Variants in LRMDA observed in about 807,000 individuals in gnomAD.
The protein encoded by LRMDA is leucine-rich melanocyte differentiation-associated protein.
A neutral mutation model predicts 29.8 loss-of-function variants in LRMDA; 18 were observed. The observed-to-expected ratio is 0.60, with a 90% CI of 0.42 to 0.90. LRMDA has a LOEUF of 0.90. Ranked by LOEUF, LRMDA falls within the 40% of genes least tolerant of loss-of-function variation. LRMDA has a pLI of 0.00. For missense variants in LRMDA, 273 were observed against 273.9 expected (o/e 1.00, Z 0.02); for synonymous variants, 125 against 109.4 (o/e 1.14, Z -0.89).
At chr10:76,362,719 G>A (rs899801440) in intron 6 of LRMDA, among the ~76,000 whole-genome samples, 1 of 152,032 alleles carries the variant, frequency 6.6e-6, no homozygotes, top group Non-Finnish European at 1.5e-5. Context: ...GCCTTTTAGA[G>A]CAATCTTTCT....
chr10:75,668,977 G>A lies in LRMDA; in HGVS notation c.131+230483G>A, dbSNP rs147689413. On this transcript the variant is annotated intron_variant, in intron 2 of 6. Transcript: ENST00000611255. The stretch of plus-strand genomic sequence containing the variant: ...TAGTGGGGACTAAGCTGTGGCTCAA[G>A]TTTGTAAATGTCTCTCAAGGCAAAT... 6.1e-3 allele frequency among the ~76,000 whole-genome samples: 936 copies of A among 152,292 alleles called. 2 individuals are homozygous for A. Among genetic ancestry groups the A allele is most frequent in the Non-Finnish European group, 0.01 (688 of 68,018 alleles).
chr10:75,796,153 T>G (rs1384187610), intron 2 of LRMDA, among the ~76,000 whole-genome samples: 1 of 150,032 alleles, frequency 6.7e-6, no homozygotes, highest in African/African-American at 2.4e-5. Flanking sequence ...AAAAAGTTAC[T>G]TCTTCCCAAT....
intron 6 of LRMDA, among the ~76,000 whole-genome samples, chr10:76,350,813 T>G (rs904498710): frequency 1.3e-5 from 2 of 152,170 alleles, no homozygotes; most frequent in African/African-American, 4.8e-5. Flanking sequence ...AATATCACTT[T>G]GTAGTGTCAT....
chr10:75,757,593 T>C (rs1178296630), intron 2 of LRMDA, among the ~76,000 whole-genome samples: 2 of 152,102 alleles, frequency 1.3e-5, no homozygotes, highest in Admixed American at 6.5e-5. Context: ...CTTGACCACT[T>C]TTCCGTCTTT....
At chr10:75,666,720 T>A (rs1343205546) in intron 2 of LRMDA, among the ~76,000 whole-genome samples, 1 of 152,108 alleles carries the variant, frequency 6.6e-6, no homozygotes. Flanking sequence ...GATTAATTAG[T>A]CCAACATGCT....
At chr10:75,920,169 T>G (rs893869105) in intron 2 of LRMDA, among the ~76,000 whole-genome samples, 1 of 152,098 alleles carries the variant, frequency 6.6e-6, no homozygotes, top group Non-Finnish European at 1.5e-5. Flanking sequence ...TCCCTTTCAG[T>G]GCTGGCTCCC....
At chr10:76,503,659 G>A (rs1384934026) in intron 6 of LRMDA, among the ~76,000 whole-genome samples, 1 of 151,306 alleles carries the variant, frequency 6.6e-6, no homozygotes, top group East Asian at 1.9e-4. Flanking sequence ...TATTTCTGTG[G>A]TATCAATTGT....
intron 2 of LRMDA, among the ~76,000 whole-genome samples, chr10:75,491,971 A>G (rs944611572): frequency 2.0e-5 from 3 of 152,204 alleles, no homozygotes; most frequent in East Asian, 1.9e-4. Context: ...AATAACCACC[A>G]TGGAAAGGGC....
At chr10:76,149,989 GT>G (rs1421655349) in intron 5 of LRMDA, among the ~76,000 whole-genome samples, 1 of 152,186 alleles carries the variant, frequency 6.6e-6, no homozygotes, top group Non-Finnish European at 1.5e-5. Flanking sequence ...GCTCCCTAGG[GT>G]TTGGCCATTT....
chr10:75,495,890 A>C (rs917785822), intron 2 of LRMDA, among the ~76,000 whole-genome samples: 2 of 152,206 alleles, frequency 1.3e-5, no homozygotes, highest in African/African-American at 4.8e-5. Flanking sequence ...AGGCCCTTCC[A>C]CTGAGCAAAA....
chr10:75,983,666 TC>T (rs1847213133), intron 2 of LRMDA, among the ~76,000 whole-genome samples: 1 of 152,184 alleles, frequency 6.6e-6, no homozygotes. Context: ...GCTTTTCTTT[TC>T]TTTTTGATAC....
rs574473993 is a variant in LRMDA at position 76,226,548 on chromosome 10, A to G, written c.517-97853A>G. 9.2e-5 allele frequency among the ~76,000 whole-genome samples: 14 copies of G among 152,296 alleles called. No homozygotes were observed. The East Asian group carries it at 2.7e-3, about 29-fold the overall frequency. On this transcript the variant is annotated intron_variant, in intron 5 of 6. Transcript: ENST00000611255. ...CAGTGACCCGAGATCACGCCATTGC[A>G]CTCCAGCCTTGGCGACAAGAGCAAA...
At chr10:76,195,347 C>G (rs758309824) in intron 5 of LRMDA, among the ~76,000 whole-genome samples, 60 of 152,284 alleles carry the variant, frequency 3.9e-4, no homozygotes, top group Non-Finnish European at 6.6e-4. Flanking sequence ...AAAGTAGCGA[C>G]CAGGGCATTC....
chr10:76,264,414 A>G (rs981150916), intron 5 of LRMDA, among the ~76,000 whole-genome samples: 3 of 7,630 alleles, frequency 3.9e-4, no homozygotes, highest in African/African-American at 2.1e-3. Context: ...CTCAAAAAAA[A>G]AAAAAAAAAA....
intron 2 of LRMDA, among the ~76,000 whole-genome samples, chr10:75,637,599 C>T (rs560205144): frequency 6.6e-5 from 10 of 152,194 alleles, no homozygotes; most frequent in Non-Finnish European, 1.3e-4. Context: ...CACCAAGATC[C>T]TGAGCTATGG....
intron 6 of LRMDA, among the ~76,000 whole-genome samples, chr10:76,423,438 G>A (rs934768848): frequency 9.9e-5 from 15 of 152,084 alleles, no homozygotes; most frequent in African/African-American, 3.1e-4. Context: ...CTTATTAGTT[G>A]TTTGACCTAG....
At chr10:76,388,111 C>T (rs10824413) in intron 6 of LRMDA, among the ~76,000 whole-genome samples, 2 of 151,914 alleles carry the variant, frequency 1.3e-5, no homozygotes, top group Non-Finnish European at 2.9e-5. Context: ...ATGAAATGTG[C>T]GATACAGCTA....
At chr10:76,442,770 T>C (rs1432019460) in intron 6 of LRMDA, among the ~76,000 whole-genome samples, 1 of 152,190 alleles carries the variant, frequency 6.6e-6, no homozygotes, top group African/African-American at 2.4e-5. Context: ...TTTCTCTTTT[T>C]AGGCGTGCAT....
intron 2 of LRMDA, among the ~76,000 whole-genome samples, chr10:75,569,336 G>T (rs1418080821): frequency 6.6e-6 from 1 of 152,150 alleles, no homozygotes; most frequent in Non-Finnish European, 1.5e-5. Context: ...CTAGACAAGG[G>T]AGAAGTGGCT....
Sources: allele counts gnomAD v4.1 joint callset (sites outside exome capture counted in the v4.1 genomes callset), GRCh38; gene constraint gnomAD v4.1.1; transcripts MANE v1.5; gene names NCBI Gene and HGNC (gene_info 2026-07-23, HGNC 2026-07-21).